The following CHAF1A variants were observed in gnomAD, a reference collection of about 807,000 sequenced individuals.
CHAF1A encodes the protein chromatin assembly factor 1 subunit A, also known as CAF-1 subunit A.
In CHAF1A, 5 loss-of-function variants were observed where a neutral mutation model predicts 93.2. The observed-to-expected ratio is 0.05, with a 90% confidence interval of 0.03 to 0.11. The LOEUF is 0.11. Among genes scored for constraint, CHAF1A ranks in the 10% least tolerant of loss-of-function variants. The probability of loss-of-function intolerance (pLI) is 1.00; values close to 1 mark genes in which losing one functional copy is unlikely to be tolerated. For missense variants in CHAF1A, 1,102 were observed against 1,259.9 expected, an observed-to-expected ratio of 0.87 and a Z score of 1.90; for synonymous variants, 504 against 510.3, an observed-to-expected ratio of 0.99 and a Z score of 0.17.
chr19:4,432,239 G>C, intron 12 of CHAF1A, 32 bp downstream of exon 12: 2 of 1,565,276 alleles, frequency 1.3e-6, no homozygotes, highest in Non-Finnish European at 1.7e-6. Flanking sequence ...CCACCCACCT[G>C]TTCCTGGGCC....
chr19:4,413,131 G>A (rs937663031), intron 3 of CHAF1A, among the ~76,000 whole-genome samples: 1 of 152,090 alleles, frequency 6.6e-6, no homozygotes, highest in Non-Finnish European at 1.5e-5. Flanking sequence ...GGAGTGCAAT[G>A]GCGTGATCTT....
intron 7 of CHAF1A, among the ~76,000 whole-genome samples, chr19:4,427,136 CTTTTTTTTT>C (rs747750687): frequency 8.1e-4 from 26 of 31,948 alleles, no homozygotes; most frequent in South Asian, 3.5e-3. Flanking sequence ...AAGACCCTGT[CTTTTTTTTT>C]TTTTTTTTTT....
rs77096503 is a variant in CHAF1A, at chr19:4,406,244, G to A, written c.103+282G>A. Among the ~76,000 whole-genome samples, 174 of 152,266 alleles carry A rather than the reference G, an allele frequency of 1.1e-3. 7 individuals carry two copies. The East Asian group carries it at 0.025, about 22-fold the overall frequency. On this transcript the variant is annotated intron_variant, in intron 2 of 14. Coordinates refer to ENST00000301280, the MANE Select transcript of CHAF1A (RefSeq NM_005483.3). ...GCAGCATCCCTGGCCTCTTCCCACCGGATGCCAGTAAGTGCATCCTCCAAG... is the reference window on the plus strand; with the variant it reads ...GCAGCATCCCTGGCCTCTTCCCACCAGATGCCAGTAAGTGCATCCTCCAAG...
At position 4,432,015 on chromosome 19, in the gene CHAF1A, T is replaced by C. The variant is rs1368793998; in HGVS notation, c.2011T>C (p.Phe671Leu). The change falls in exon 12 of 15, where the codon TTC becomes CTC. Residue 671 changes from phenylalanine to leucine, a missense_variant. This residue lies in a region of CHAF1A where 335 missense variants were observed against 361.9 expected (regional missense o/e 0.93). Coordinates refer to ENST00000301280, the MANE Select transcript of CHAF1A (RefSeq NM_005483.3). Reference sequence around the variant, plus strand: ...ACTGAAGGCCAAGGAGTGGGACGAGTTCCTGGCTAAGGGGAAGCGCTTTCG... The same window carrying C: ...ACTGAAGGCCAAGGAGTGGGACGAGCTCCTGGCTAAGGGGAAGCGCTTTCG... ...QKLKAKEWDEFLAKGKRFRVL... is the reference protein window; with the variant it reads ...QKLKAKEWDELLAKGKRFRVL... The C allele has an allele frequency of 6.2e-7, 1 of 1,613,480 alleles. No homozygotes were observed. Among genetic ancestry groups the C allele is most frequent in the African/African-American group, 1.3e-5 (1 of 74,678 alleles).
chr19:4,413,284 C>G (rs1207418385), intron 3 of CHAF1A, among the ~76,000 whole-genome samples: 1 of 152,064 alleles, frequency 6.6e-6, no homozygotes, highest in African/African-American at 2.4e-5. Context: ...GTTGGACAGG[C>G]TGGTCTCGAA....
At position 4,430,540 on chromosome 19, in the gene CHAF1A, C is replaced by A; in HGVS notation, c.1855-9C>A. The A allele has an allele frequency of 2.0e-6, 3 of 1,514,018 alleles. No individual in the cohort carries two copies. Among genetic ancestry groups the A allele is most frequent in the South Asian group, 1.1e-5 (1 of 87,158 alleles). 93.8% of individuals were successfully genotyped at this position (1,514,018 alleles called of 1,614,324 possible). On this transcript the variant is annotated splice_polypyrimidine_tract_variant and intron_variant, in intron 10 of 14. Coordinates refer to ENST00000301280, the MANE Select transcript of CHAF1A (RefSeq NM_005483.3). ...ATCTGATGAACTCTTTTTTTTTTCT[C>A]CTTTTGAGGATGATGATGACGACAT... is the stretch of plus-strand genomic sequence containing the variant.
intron 7 of CHAF1A, among the ~76,000 whole-genome samples, chr19:4,426,810 G>T (rs541631226): frequency 2.0e-5 from 3 of 152,130 alleles, no homozygotes; most frequent in Non-Finnish European, 4.4e-5. Context: ...TCTCCTTTTG[G>T]CCAGGTGCGG....
downstream of CHAF1A, chr19:4,446,690 C>T (rs749822999): frequency 2.0e-5 from 32 of 1,610,930 alleles, no homozygotes; most frequent in East Asian, 5.8e-4. Context: ...AAGGTGGTCT[C>T]GCTCAGCACG....
downstream of CHAF1A, chr19:4,447,257 C>A: frequency 5.3e-6 from 3 of 570,846 alleles, no homozygotes; most frequent in South Asian, 6.3e-5. Context: ...ATCTGGTTTG[C>A]ATGAGAAACC....
intron 1 of CHAF1A, 123 bp from the exon 2 acceptor site, chr19:4,405,789 G>GC (rs1225447482): frequency 7.8e-6 from 6 of 770,926 alleles, no homozygotes; most frequent in Non-Finnish European, 1.4e-5. Flanking sequence ...GTGTCAAATG[G>GC]CCCCCGAGGA....
At chr19:4,402,843 G>C (rs77734548) in intron 1 of CHAF1A, 29 bp downstream of exon 1, 17 of 1,189,882 alleles carry the variant, frequency 1.4e-5, no homozygotes, top group East Asian at 3.5e-5. Flanking sequence ...CGAGGGGAAG[G>C]GGGGGCGCGG....
At chr19:4,429,889 C>G in intron 10 of CHAF1A, 101 bp downstream of exon 10, 1 of 1,017,986 alleles carries the variant, frequency 9.8e-7, no homozygotes, top group Non-Finnish European at 1.5e-6. Context: ...TGTTCACTCA[C>G]TGACAGCTGG....
chr19:4,438,325 C>T (rs751072192), intron 13 of CHAF1A, among the ~76,000 whole-genome samples: 1 of 151,992 alleles, frequency 6.6e-6, no homozygotes, highest in Non-Finnish European at 1.5e-5. Flanking sequence ...TGGTTCCCAG[C>T]TTCATCCATG....
chr19:4,411,642 A>ATTTTTTTTTT (rs1202069647), intron 3 of CHAF1A, among the ~76,000 whole-genome samples: 3 of 38,064 alleles, frequency 7.9e-5, no homozygotes, highest in Non-Finnish European at 1.2e-4. Flanking sequence ...AATGGTGCAA[A>ATTTTTTTTTT]TCTTTTTTTT....
At chr19:4,421,982 C>T (rs1446765429) in intron 4 of CHAF1A, among the ~76,000 whole-genome samples, 3 of 151,558 alleles carry the variant, frequency 2.0e-5, no homozygotes, top group Non-Finnish European at 2.9e-5. Context: ...GCTGGGACTA[C>T]GGGTACCCTC....
intron 13 of CHAF1A, among the ~76,000 whole-genome samples, chr19:4,436,612 C>T (rs959147754): frequency 3.3e-5 from 5 of 152,208 alleles, no homozygotes; most frequent in Admixed American, 2.0e-4. Context: ...TGTCACTATG[C>T]AAGCAGTTTT....
At position 4,418,773 on chromosome 19, in the gene CHAF1A, G is replaced by C. The variant is rs1051323698; in HGVS notation, c.1017+697G>C. Among the ~76,000 whole-genome samples, 5 of 152,012 alleles carry C rather than the reference G, an allele frequency of 3.3e-5. 1 individual carries two copies. In the South Asian group the frequency reaches 1.0e-3, roughly 32 times the overall value. The stretch of plus-strand genomic sequence containing the variant: ...TAACATCTGAATAGCCTCTACACTC[G>C]ATGGGTGGTTATCCTTTAGTGACTC... On this transcript the variant is annotated intron_variant, in intron 4 of 14. Coordinates refer to ENST00000301280, the MANE Select transcript of CHAF1A (RefSeq NM_005483.3).
At chr19:4,446,404 C>A, downstream of CHAF1A, 1 of 1,577,462 alleles carries the variant, frequency 6.3e-7, no homozygotes, top group Non-Finnish European at 8.6e-7. Context: ...GCCGCTCCAC[C>A]GCCTCGGACC....
At chr19:4,444,274 T>G (rs1974454879), downstream of CHAF1A, among the ~76,000 whole-genome samples, 3 of 152,124 alleles carry the variant, frequency 2.0e-5, no homozygotes, top group African/African-American at 7.2e-5. Context: ...CTCCCCCAGG[T>G]GCAGACCTGC....
Sources: gnomAD v4.1 joint callset for allele counts (sites outside exome capture counted in the v4.1 genomes callset) on GRCh38, gnomAD v4.1.1 for gene constraint, gnomAD v4.1.1 regional missense constraint, MANE v1.5 for transcripts, NCBI Gene and HGNC (gene_info 2026-07-23, HGNC 2026-07-21) for gene names.